The following VEPH1 variants were observed in gnomAD, a reference collection of about 807,000 sequenced individuals.
VEPH1 encodes the protein ventricular zone-expressed PH domain-containing protein homolog 1.
VEPH1 carries 80 observed loss-of-function variants against 85.2 expected under a neutral mutation model. That is an observed-to-expected ratio of 0.94 (90% confidence interval 0.78 to 1.13). VEPH1 has a LOEUF of 1.13. VEPH1 is among the 50% of genes most tolerant of loss of function. The pLI is 0.00. For missense variants in VEPH1, 955 were observed against 980.5 expected, an observed-to-expected ratio of 0.97 and a Z score of 0.35; for synonymous variants, 297 against 348.0, an observed-to-expected ratio of 0.85 and a Z score of 1.63.
intron 4 of VEPH1, chr3:157,437,601 G>A (rs375365577): frequency 5.1e-6 from 8 of 1,574,976 alleles, no homozygotes; most frequent in Non-Finnish European, 6.9e-6. Flanking sequence ...AGCGCATGCT[G>A]CTGCAAGCCA....
intron 4 of VEPH1, among the ~76,000 whole-genome samples, chr3:157,430,177 C>T (rs1733034815): frequency 6.6e-6 from 1 of 152,146 alleles, no homozygotes; most frequent in Admixed American, 6.5e-5. Context: ...CCATTTGTTT[C>T]CTTTTCTCCC....
chr3:157,425,884 G>A (rs1732718194), intron 5 of VEPH1, among the ~76,000 whole-genome samples: 1 of 152,170 alleles, frequency 6.6e-6, no homozygotes, highest in African/African-American at 2.4e-5. Flanking sequence ...CTCCCACAAT[G>A]CCCAAATGTT....
chr3:157,283,978 C>T (rs1003991246), intron 12 of VEPH1, among the ~76,000 whole-genome samples: 10 of 152,300 alleles, frequency 6.6e-5, no homozygotes, highest in Admixed American at 3.3e-4. Flanking sequence ...ACATAGTACT[C>T]AGTTGGGCAT....
intron 2 of VEPH1, among the ~76,000 whole-genome samples, chr3:157,480,724 G>A (rs981296412): frequency 6.6e-5 from 10 of 152,082 alleles, no homozygotes; most frequent in African/African-American, 2.2e-4. Context: ...TTGATTCCAT[G>A]TCTTTGCTAT....
intron 9 of VEPH1, among the ~76,000 whole-genome samples, chr3:157,322,656 A>G (rs1359066751): frequency 6.6e-6 from 1 of 152,198 alleles, no homozygotes; most frequent in African/African-American, 2.4e-5. Context: ...GCTCAGGGCT[A>G]TGAGGGCTTG....
intron 4 of VEPH1, among the ~76,000 whole-genome samples, chr3:157,438,072 C>T (rs1733810630): frequency 6.6e-6 from 1 of 150,598 alleles, no homozygotes; most frequent in Admixed American, 6.6e-5. Flanking sequence ...CACACACACA[C>T]CCCTATTTCT....
At chr3:157,497,340 TTGGAGGAAGAGCA>T (rs1739745657) in intron 1 of VEPH1, among the ~76,000 whole-genome samples, 1 of 152,122 alleles carries the variant, frequency 6.6e-6, no homozygotes, top group Non-Finnish European at 1.5e-5. Context: ...GAGAAGACGC[TTGGAGGAAGAGCA>T]AAGGAGAGTG....
At chr3:157,479,570 G>A (rs546319009) in intron 2 of VEPH1, among the ~76,000 whole-genome samples, 1 of 152,190 alleles carries the variant, frequency 6.6e-6, no homozygotes, top group Non-Finnish European at 1.5e-5. Context: ...TGGCATGGGA[G>A]TGGAAACTTG....
At chr3:157,500,413 G>C (rs1310838202) in intron 1 of VEPH1, among the ~76,000 whole-genome samples, 2 of 152,304 alleles carry the variant, frequency 1.3e-5, no homozygotes, top group East Asian at 3.9e-4. Context: ...TCTACTCAAA[G>C]GGTGTGGTCA....
intron 12 of VEPH1, among the ~76,000 whole-genome samples, chr3:157,279,784 G>A (rs970671391): frequency 1.4e-4 from 21 of 152,084 alleles, no homozygotes; most frequent in Admixed American, 1.2e-3. Flanking sequence ...TTGGGAGGCC[G>A]AGGCGGGCGG....
intron 2 of VEPH1, among the ~76,000 whole-genome samples, chr3:157,490,889 A>T (rs1310983711): frequency 2.6e-5 from 4 of 152,204 alleles, no homozygotes; most frequent in Non-Finnish European, 4.4e-5. Context: ...AAACCAAAAA[A>T]AGAATGGATA....
chr3:157,268,969 C>A (rs896946017), intron 12 of VEPH1, among the ~76,000 whole-genome samples: 3 of 152,010 alleles, frequency 2.0e-5, no homozygotes, highest in African/African-American at 7.2e-5. Flanking sequence ...CAGGATGATA[C>A]CATGGTTTTA....
intron 9 of VEPH1, among the ~76,000 whole-genome samples, chr3:157,334,243 T>C (rs942093612): frequency 7.9e-5 from 12 of 152,230 alleles, no homozygotes; most frequent in Admixed American, 7.2e-4. Context: ...CAGTCACTGC[T>C]GCTAAATGAG....
At chr3:157,329,396 C>T (rs953071897) in intron 9 of VEPH1, among the ~76,000 whole-genome samples, 1 of 152,142 alleles carries the variant, frequency 6.6e-6, no homozygotes, top group Non-Finnish European at 1.5e-5. Context: ...GTCAGGTTAG[C>T]CATGGAAACC....
intron 12 of VEPH1, among the ~76,000 whole-genome samples, chr3:157,282,177 C>T (rs1577230512): frequency 2.0e-5 from 3 of 151,924 alleles, no homozygotes; most frequent in African/African-American, 7.2e-5. Context: ...TTTTTTTATT[C>T]ATATTTATTT....
intron 4 of VEPH1, among the ~76,000 whole-genome samples, chr3:157,432,216 A>G (rs1184065575): frequency 6.6e-6 from 1 of 151,868 alleles, no homozygotes; most frequent in African/African-American, 2.4e-5. Flanking sequence ...CCTATATGCT[A>G]TTAGGATGTT....
At chr3:157,409,523 A>T (rs1053086426) in intron 6 of VEPH1, 18 of 730,188 alleles carry the variant, frequency 2.5e-5, no homozygotes, top group Non-Finnish European at 2.5e-5. Flanking sequence ...GCTTTATTTA[A>T]GTTTGGGCAA....
chr3:157,474,672 T>C (rs1367857253), intron 2 of VEPH1, among the ~76,000 whole-genome samples: 1 of 152,190 alleles, frequency 6.6e-6, no homozygotes, highest in Non-Finnish European at 1.5e-5. Flanking sequence ...ACTTCACAGG[T>C]CTTCATTTGA....
intron 7 of VEPH1, among the ~76,000 whole-genome samples, chr3:157,369,193 A>AAAAAAAAAAAAC (rs1553773126): frequency 4.6e-4 from 65 of 140,592 alleles, no homozygotes; most frequent in Middle Eastern, 3.7e-3. Flanking sequence ...AAAAAAAAAA[A>AAAAAAAAAAAAC]AAAAAAAAAA....
Sources: allele counts gnomAD v4.1 joint callset (sites outside exome capture counted in the v4.1 genomes callset), GRCh38; gene constraint gnomAD v4.1.1; transcripts MANE v1.5; gene names NCBI Gene and HGNC (gene_info 2026-07-23, HGNC 2026-07-21).